The following TAFAZZIN variants were observed in gnomAD, a reference collection of about 807,000 sequenced individuals.
TAFAZZIN encodes tafazzin, phospholipid-lysophospholipid transacylase, also known as protein G4.5.
TAFAZZIN carries 6 observed loss-of-function variants against 27.3 expected under a neutral mutation model. The ratio of observed to expected loss-of-function variants is 0.22; its 90% CI spans 0.12 to 0.43. The LOEUF (loss-of-function observed/expected upper bound fraction) is 0.43, where lower values mean the gene tolerates loss of function less well. Among genes scored for constraint, TAFAZZIN ranks in the 20% least tolerant of loss-of-function variants. The pLI, the probability that TAFAZZIN is intolerant of heterozygous loss-of-function variation, is 1.00. For missense variants in TAFAZZIN, 127 were observed against 244.5 expected (o/e 0.52, Z 3.21); for synonymous variants, 79 against 96.2 (o/e 0.82, Z 1.04).
In TAFAZZIN at chrX:154,413,280, G is replaced by A. The variant is rs781969431; in HGVS notation, c.284+28G>A. 4.1e-6 allele frequency: 5 copies of A among 1,207,650 alleles called. No homozygotes were observed. In the East Asian group the frequency reaches 1.5e-4, roughly 36 times the overall value. On this transcript the variant is annotated intron_variant, in intron 3 of 10. Coordinates refer to ENST00000601016, the MANE Select transcript of TAFAZZIN (RefSeq NM_000116.5). ...GAGGAGGAATGGGCCCCTCGAAGTG[G>A]GCCGGGCCGGCCCCACCTGCCTCTG... is the stretch of plus-strand genomic sequence containing the variant.
At chrX:154,412,807 T>G in intron 2 of TAFAZZIN, 1 of 266,268 alleles carries the variant, frequency 3.8e-6, no homozygotes, top group Non-Finnish European at 6.8e-6. Flanking sequence ...CTAGCCACAC[T>G]GGAGCCCTTC....
chrX:154,420,848 G>A lies in TAFAZZIN; in HGVS notation c.778-55G>A, dbSNP rs2068611275. 4.0e-5 allele frequency: 47 copies of A among 1,189,215 alleles called. 2 individuals are homozygous for A. In the South Asian group the frequency reaches 7.7e-4, roughly 19 times the overall value. On this transcript the variant is annotated intron_variant, in intron 10 of 10. Coordinates refer to ENST00000601016, the MANE Select transcript of TAFAZZIN (RefSeq NM_000116.5). ...CACCCTCCCAGGGCACCCTCCCAGG[G>A]CACCTTGGCCAAGCTTCCCGAGGGG...
intron 5 of TAFAZZIN, among the ~76,000 whole-genome samples, chrX:154,416,681 G>C (rs1176701351): frequency 9.0e-6 from 1 of 111,671 alleles, no homozygotes; most frequent in Non-Finnish European, 1.9e-5. Flanking sequence ...CCAGGTGTTG[G>C]AGCTGAGCCA....
chrX:154,413,887 T>C (rs2068402942), intron 4 of TAFAZZIN, among the ~76,000 whole-genome samples: 1 of 111,541 alleles, frequency 9.0e-6, no homozygotes, highest in Non-Finnish European at 1.9e-5. Flanking sequence ...TTGTCATTGG[T>C]CCATGGTGGC....
At chrX:154,419,783 C>T (rs782428034) in intron 7 of TAFAZZIN, 37 bp downstream of exon 7, 23 of 1,209,401 alleles carry the variant, frequency 1.9e-5, no homozygotes, top group Middle Eastern at 2.5e-4. Context: ...GCCATCCTCC[C>T]GGCCCAGAGA....
In TAFAZZIN at chrX:154,420,705, C is replaced by G. The variant is rs376379156; in HGVS notation, c.747C>G (p.Leu249=). The G allele has an allele frequency of 5.7e-5, 69 of 1,209,193 alleles. No homozygotes were observed. The East Asian group carries it at 1.2e-3, about 22-fold the overall frequency. ...IGKPFSALPV[L]ERLRAENKSA... is the part of the protein sequence containing the mutation. ...AGCCCTTCAGTGCCCTGCCTGTACTCGAGCGGCTCCGGGCGGAGAACAAGT... is the reference window on the plus strand; with the variant it reads ...AGCCCTTCAGTGCCCTGCCTGTACTGGAGCGGCTCCGGGCGGAGAACAAGT... Residue 249 remains leucine (L), a synonymous_variant, in exon 10 of 11, where the codon CTC becomes CTG. Coordinates refer to ENST00000601016, the MANE Select transcript of TAFAZZIN (RefSeq NM_000116.5).
chrX:154,416,760 T>G (rs1311905234), intron 5 of TAFAZZIN, among the ~76,000 whole-genome samples: 1 of 110,830 alleles, frequency 9.0e-6, no homozygotes, highest in Non-Finnish European at 1.9e-5. Flanking sequence ...CTGTTTTGCT[T>G]GTGCTGCATC....
chrX:154,411,786 G>C lies in TAFAZZIN; in HGVS notation c.-58G>C, dbSNP rs1557190662. The C allele has an allele frequency of 1.9e-6, 2 of 1,076,110 alleles. No individual in the cohort carries two copies. The highest frequency in any genetic ancestry group is 2.0e-5 in the South Asian group (1 of 51,021). The allele number at this position is 1,076,110 out of a possible 1,213,427, so 88.7% of individuals were successfully genotyped here. On this transcript the variant is annotated 5_prime_UTR_variant, in exon 1 of 11. Coordinates refer to ENST00000601016, the MANE Select transcript of TAFAZZIN (RefSeq NM_000116.5). ...TCGAGCGGTCGAGGTCGCAGACCTA[G>C]AGGCGCCCCACAGGCCGGCCCGGGG...
chrX:154,418,792 T>C (rs1027178626), intron 5 of TAFAZZIN: 1 of 111,340 alleles, frequency 9.0e-6, no homozygotes, highest in African/African-American at 3.3e-5. Flanking sequence ...TAAGGGAGGG[T>C]CTAGTTTCCC....
rs2068584681 is a variant in TAFAZZIN, at chrX:154,420,058, C to A, written c.610C>A (p.His204Asn). Residue 204 changes from histidine to asparagine, a missense_variant, in exon 8 of 11, where the codon CAT becomes AAT. His to Asn is a moderately conservative substitution (Grantham distance 68, BLOSUM62 1). Transcript: ENST00000601016. ...AATCGGGCGCCTGATTGCTGAGTGTCATCTCAACCCCATCATCCTGCCCCT... is the reference window on the plus strand; with the variant it reads ...AATCGGGCGCCTGATTGCTGAGTGTAATCTCAACCCCATCATCCTGCCCCT... The part of the protein sequence containing the change: ...WGIGRLIAEC[H>N]LNPIILPLWH... 2 of 1,211,933 alleles carry A rather than the reference C, an allele frequency of 1.7e-6. No individual in the cohort carries two copies. The highest frequency in any genetic ancestry group is 2.3e-4 in the Middle Eastern group (1 of 4,352).
chrX:154,411,712 G>A lies in TAFAZZIN; in HGVS notation c.-132G>A. 1 of 604,670 alleles carries A rather than the reference G, an allele frequency of 1.7e-6. No individual in the cohort carries two copies. Among genetic ancestry groups the A allele is most frequent in the East Asian group, 3.7e-5 (1 of 27,042 alleles). The allele number at this position is 604,670 out of a possible 1,213,427, so 49.8% of individuals were successfully genotyped here. On this transcript the variant is annotated 5_prime_UTR_variant, in exon 1 of 11. Coordinates refer to ENST00000601016, the MANE Select transcript of TAFAZZIN (RefSeq NM_000116.5). Reference sequence around the variant, plus strand: ...AGGGACCTCGGTCCAGTCCCCTGTTGCGCCGCGCCCCCGTCCGTCCGTGCG... The same window carrying A: ...AGGGACCTCGGTCCAGTCCCCTGTTACGCCGCGCCCCCGTCCGTCCGTGCG...
rs1557194726 is a variant in TAFAZZIN, at chrX:154,421,234, C to T, written c.*230C>T. 1 of 492,713 alleles carries T rather than the reference C, an allele frequency of 2.0e-6. No individual in the cohort carries two copies. Among genetic ancestry groups the T allele is most frequent in the Non-Finnish European group, 3.6e-6 (1 of 274,198 alleles). The allele number at this position is 492,713 out of a possible 1,213,427, so 40.6% of individuals were successfully genotyped here. A position where few individuals can be genotyped will look rare whatever the true frequency, so the allele number is the denominator to read the frequency against. ...CAGGGAGGAAGAAGCTTAGGCAGGG[C>T]TCTCTTTCCTTCTTGCCTTCAGATG... On this transcript the variant is annotated 3_prime_UTR_variant, in exon 11 of 11. Coordinates refer to ENST00000601016, the MANE Select transcript of TAFAZZIN (RefSeq NM_000116.5).
chrX:154,413,670 G>GA, intron 4 of TAFAZZIN, 103 bp downstream of exon 4: 1 of 781,247 alleles, frequency 1.3e-6, no homozygotes, highest in Non-Finnish European at 1.9e-6. Flanking sequence ...GGCATCCCGG[G>GA]AGCCAACATG....
rs1203836008 is a variant in TAFAZZIN at position 154,420,569 on chromosome X, C to T, written c.700-89C>T. The T allele has an allele frequency of 2.9e-5, 30 of 1,039,467 alleles. 1 individual carries two copies. The highest frequency in any genetic ancestry group is 1.5e-4 in the Admixed American group (7 of 45,335). The allele number at this position is 1,039,467 out of a possible 1,213,427, so 85.7% of individuals were successfully genotyped here. A position where few individuals can be genotyped will look rare whatever the true frequency, so the allele number is the denominator to read the frequency against. ...TGGGGAGTGTGTGGCACAGCAGGGC[C>T]GGGGCTTAGCTTCTGGCTCCCGGGT... On this transcript the variant is annotated intron_variant, in intron 9 of 10. Transcript: ENST00000601016.
chrX:154,419,093 G>A, intron 5 of TAFAZZIN: 1 of 165,426 alleles, frequency 6.0e-6, no homozygotes, highest in Non-Finnish European at 1.2e-5. Flanking sequence ...AGGGAGGGCA[G>A]GTGGTGCGCT....
At chrX:154,413,388 C>A in intron 3 of TAFAZZIN, 94 bp from the exon 4 acceptor site, 3 of 1,208,674 alleles carry the variant, frequency 2.5e-6, no homozygotes, top group Non-Finnish European at 3.4e-6. Flanking sequence ...CCCGCAGGCC[C>A]TCCCCTGTGC....
chrX:154,416,382 C>T (rs1438625224), intron 5 of TAFAZZIN, among the ~76,000 whole-genome samples: 3 of 108,757 alleles, frequency 2.8e-5, no homozygotes, highest in Non-Finnish European at 5.7e-5. Context: ...TTGCTATGAG[C>T]AGAGATCGCG....
intron 9 of TAFAZZIN, 32 bp downstream of exon 9, chrX:154,420,296 G>A: frequency 8.3e-7 from 1 of 1,207,534 alleles, no homozygotes; most frequent in Non-Finnish European, 1.1e-6. Flanking sequence ...TCGGCTGTCT[G>A]CCTGTCTGCT....
intron 9 of TAFAZZIN, 43 bp downstream of exon 9, chrX:154,420,307 G>C (rs2068593680): frequency 1.3e-5 from 15 of 1,196,648 alleles, no homozygotes; most frequent in Non-Finnish European, 1.6e-5. Flanking sequence ...CCTGTCTGCT[G>C]TCTGCTCCGT....
Sources: allele counts gnomAD v4.1 joint callset (sites outside exome capture counted in the v4.1 genomes callset), GRCh38; gene constraint gnomAD v4.1.1; transcripts MANE v1.5; gene names NCBI Gene and HGNC (gene_info 2026-07-23, HGNC 2026-07-21).